The following GRAMD1B variants were observed in gnomAD, a reference collection of about 807,000 sequenced individuals.
GRAMD1B encodes protein Aster-B.
A neutral mutation model predicts 99.7 loss-of-function variants in GRAMD1B; 37 were observed. The ratio of observed to expected loss-of-function variants is 0.37; its 90% CI spans 0.29 to 0.49. The LOEUF is 0.49. Among genes scored for constraint, GRAMD1B ranks in the 20% least tolerant of loss-of-function variants. The pLI is 0.98. For synonymous variants in GRAMD1B, 427 were observed against 387.6 expected (o/e 1.10, Z -1.19); for missense variants, 888 against 1,009.2 (o/e 0.88, Z 1.63).
intron 7 of GRAMD1B, among the ~76,000 whole-genome samples, chr11:123,599,973 G>C (rs561997118): frequency 6.6e-6 from 1 of 152,230 alleles, no homozygotes; most frequent in East Asian, 1.9e-4. Flanking sequence ...CTGTTTAATG[G>C]GTAAACTCCA....
At position 123,608,658 on chromosome 11, in the gene GRAMD1B, G is replaced by A; in HGVS notation, c.1514-1G>A. The A allele has an allele frequency of 6.3e-7, 1 of 1,578,232 alleles. No homozygotes were observed. Among genetic ancestry groups the A allele is most frequent in the Non-Finnish European group, 8.6e-7 (1 of 1,161,000 alleles). ...ACTTCCTGATCCTCTCTTCTGTGCA[G>A]GAGAGGTCCAGGCCTTCTATGAGGA... On this transcript the variant is annotated splice_acceptor_variant, in intron 11 of 19. Transcript: ENST00000635736. LOFTEE classifies it high-confidence loss of function.
At chr11:123,620,536 A>T (rs1592319490) in intron 19 of GRAMD1B, among the ~76,000 whole-genome samples, 3 of 148,428 alleles carry the variant, frequency 2.0e-5, no homozygotes, top group Non-Finnish European at 4.5e-5. Context: ...ACCCAGTTGG[A>T]TGTGTTTAGC....
At chr11:123,424,253 CAAAAAA>C (rs1029881122) in intron 1 of GRAMD1B, among the ~76,000 whole-genome samples, 1 of 104,254 alleles carries the variant, frequency 9.6e-6, no homozygotes. Context: ...CCCCCAACAC[CAAAAAA>C]AAAAAAAAAA....
rs991924005 is a variant in GRAMD1B at position 123,626,195 on chromosome 11, G to A, written c.*3600G>A. ...GAAACAGTGGAGAGTAGCCACTTCTGGTTCTAGCACTTCTCTTTTGTTAAG... is the reference window on the plus strand; with the variant it reads ...GAAACAGTGGAGAGTAGCCACTTCTAGTTCTAGCACTTCTCTTTTGTTAAG... On this transcript the variant is annotated 3_prime_UTR_variant, in exon 20 of 20. Transcript: ENST00000635736. The A allele has an allele frequency of 2.0e-5, 3 of 152,084 alleles. No homozygotes were observed. Among genetic ancestry groups the A allele is most frequent in the Non-Finnish European group, 4.4e-5 (3 of 68,024 alleles). The allele number at this position is 152,084 out of a possible 1,614,324, so 9.4% of individuals were successfully genotyped here.
rs1446132321 is a variant in GRAMD1B at position 123,618,810 on chromosome 11, G to A, written c.2426+10G>A. The A allele has an allele frequency of 7.2e-7, 1 of 1,382,412 alleles. No individual in the cohort carries two copies. The allele number at this position is 1,382,412 out of a possible 1,614,324, so 85.6% of individuals were successfully genotyped here. A position where few individuals can be genotyped will look rare whatever the true frequency, so the allele number is the denominator to read the frequency against. On this transcript the variant is annotated intron_variant, in intron 18 of 19. Transcript: ENST00000635736. The stretch of plus-strand genomic sequence containing the variant: ...TAAGGCTCCAAGAAAGGTAATCCTG[G>A]CCTCGTCCCCTCACCTCCACCTTCA...
At chr11:123,362,366 C>T (rs1946172967) in intron 1 of GRAMD1B, among the ~76,000 whole-genome samples, 1 of 152,166 alleles carries the variant, frequency 6.6e-6, no homozygotes, top group Non-Finnish European at 1.5e-5. Flanking sequence ...CAGGAAGTAT[C>T]TTTCTCCTGT....
intron 1 of GRAMD1B, among the ~76,000 whole-genome samples, chr11:123,445,658 A>T (rs1038205562): frequency 2.0e-5 from 3 of 151,906 alleles, no homozygotes; most frequent in Non-Finnish European, 2.9e-5. Context: ...TCTACCACAA[A>T]ATACAAAAAT....
At chr11:123,513,587 T>TTCCC (rs1941315976) in intron 2 of GRAMD1B, among the ~76,000 whole-genome samples, 2 of 72,746 alleles carry the variant, frequency 2.7e-5, no homozygotes, top group African/African-American at 1.3e-4. Flanking sequence ...CTTTCCTTCC[T>TTCCC]TCCTTCCTTC....
chr11:123,490,026 CT>C (rs1279674865), intron 2 of GRAMD1B, among the ~76,000 whole-genome samples: 2 of 152,282 alleles, frequency 1.3e-5, no homozygotes, highest in East Asian at 3.9e-4. Context: ...AAAATAGCTA[CT>C]GCACTCCAGT....
At chr11:123,585,997 T>C (rs1950031007) in intron 4 of GRAMD1B, among the ~76,000 whole-genome samples, 1 of 152,204 alleles carries the variant, frequency 6.6e-6, no homozygotes, top group Non-Finnish European at 1.5e-5. Context: ...CATTAGCTTC[T>C]TTCTCTGATT....
intron 1 of GRAMD1B, among the ~76,000 whole-genome samples, chr11:123,415,404 G>T (rs1948202280): frequency 6.6e-6 from 1 of 151,894 alleles, no homozygotes; most frequent in Admixed American, 6.6e-5. Context: ...ACCAGCCAAG[G>T]CTGCCTTTTC....
rs1002841825 is a variant in GRAMD1B at position 123,439,978 on chromosome 11, T to C, written c.374+8812T>C. On this transcript the variant is annotated intron_variant, in intron 1 of 19. Transcript: ENST00000635736. Reference sequence around the variant, plus strand: ...CCTATTTGGTTTTTGCCCTCCTTTTTGCAGCCATAGAAAAATAATTTTCTG... The same window carrying C: ...CCTATTTGGTTTTTGCCCTCCTTTTCGCAGCCATAGAAAAATAATTTTCTG... 2.0e-4 allele frequency among the ~76,000 whole-genome samples: 31 copies of C among 152,180 alleles called. 1 individual carries two copies.
intron 1 of GRAMD1B, among the ~76,000 whole-genome samples, chr11:123,384,669 A>C (rs1354105156): frequency 6.6e-6 from 1 of 152,206 alleles, no homozygotes; most frequent in Admixed American, 6.5e-5. Flanking sequence ...GTTAGCAAAT[A>C]CTACTTGAAT....
At chr11:123,548,357 T>C (rs1411805290) in intron 2 of GRAMD1B, among the ~76,000 whole-genome samples, 2,395 of 110,896 alleles carry the variant, frequency 0.022, 77 homozygotes, top group African/African-American at 0.092. Context: ...CACATATATA[T>C]ATATATGTAC....
intron 11 of GRAMD1B, chr11:123,608,256 C>T (rs1380247503): frequency 1.9e-6 from 1 of 532,264 alleles, no homozygotes; most frequent in East Asian, 3.2e-5. Context: ...GTTACAACTA[C>T]AATTTGTTGT....
chr11:123,451,769 G>A lies in GRAMD1B; in HGVS notation c.374+20603G>A, dbSNP rs577642744. Reference sequence around the variant, plus strand: ...TGCTATGTGCTGGCCACTGAGGTGTGGCTGGCTTCTTCTCTTGAAAGATGT... The same window carrying A: ...TGCTATGTGCTGGCCACTGAGGTGTAGCTGGCTTCTTCTCTTGAAAGATGT... On this transcript the variant is annotated intron_variant, in intron 1 of 19. Coordinates refer to ENST00000635736, the MANE Select transcript of GRAMD1B (RefSeq NM_001387025.1). Among the ~76,000 whole-genome samples, 49 of 152,192 alleles carry A rather than the reference G, an allele frequency of 3.2e-4. 1 individual carries two copies. In the South Asian group the frequency reaches 0.01, roughly 32 times the overall value.
chr11:123,497,900 CAAA>C (rs34168499), intron 2 of GRAMD1B, among the ~76,000 whole-genome samples: 18,546 of 110,214 alleles, frequency 0.17, 1,466 homozygotes, highest in East Asian at 0.47. Flanking sequence ...GAATCTGTCT[CAAA>C]AAAAAAAAAA....
intron 1 of GRAMD1B, among the ~76,000 whole-genome samples, chr11:123,442,033 C>T (rs183441966): frequency 6.6e-6 from 1 of 152,274 alleles, no homozygotes; most frequent in East Asian, 1.9e-4. Context: ...TTCTTTCTCA[C>T]AGTCAACACA....
At chr11:123,509,108 G>T (rs1940727936) in intron 2 of GRAMD1B, among the ~76,000 whole-genome samples, 1 of 152,086 alleles carries the variant, frequency 6.6e-6, no homozygotes. Context: ...AATAAGGAGG[G>T]GTCAGTTTTC....
Sources: allele counts gnomAD v4.1 joint callset (sites outside exome capture counted in the v4.1 genomes callset), GRCh38; gene constraint gnomAD v4.1.1; transcripts MANE v1.5; gene names NCBI Gene and HGNC (gene_info 2026-07-23, HGNC 2026-07-21).